EBF4: variants seen among roughly 807,000 people sequenced by gnomAD.
EBF4 encodes EBF transcription factor 4.
EBF4 carries 34 observed loss-of-function variants against 67.1 expected under a neutral mutation model. The ratio of observed to expected loss-of-function variants is 0.51; its 90% CI spans 0.39 to 0.67. The LOEUF (loss-of-function observed/expected upper bound fraction) is 0.67, where lower values mean the gene tolerates loss of function less well. Ranked by LOEUF, EBF4 falls within the 30% of genes least tolerant of loss-of-function variation. EBF4 has a pLI of 0.00. For missense variants in EBF4, 837 were observed against 873.3 expected (o/e 0.96, Z 0.52); for synonymous variants, 387 against 377.7 (o/e 1.02, Z -0.29).
intron 1 of EBF4, among the ~76,000 whole-genome samples, chr20:2,697,419 C>T (rs1381758943): frequency 2.0e-5 from 3 of 151,988 alleles, no homozygotes; most frequent in Non-Finnish European, 4.4e-5. Context: ...GTGGCGGGCG[C>T]CTGTAGTCCC....
intron 6 of EBF4, among the ~76,000 whole-genome samples, chr20:2,732,573 T>C (rs965965349): frequency 2.0e-5 from 3 of 152,258 alleles, no homozygotes; most frequent in African/African-American, 7.2e-5. Flanking sequence ...TCAGTTAGGG[T>C]TCACATGTTA....
intron 1 of EBF4, among the ~76,000 whole-genome samples, chr20:2,698,084 T>A (rs1206309100): frequency 6.6e-6 from 1 of 152,030 alleles, no homozygotes; most frequent in East Asian, 1.9e-4. Context: ...CAGAGAGCAG[T>A]GGAGTGGGGA....
At chr20:2,740,826 T>G (rs1163827531) in intron 6 of EBF4, among the ~76,000 whole-genome samples, 1 of 152,136 alleles carries the variant, frequency 6.6e-6, no homozygotes, top group Non-Finnish European at 1.5e-5. Flanking sequence ...GCCAGAGAGT[T>G]GGTCCTCCTT....
rs1469044587 is a variant in EBF4, at chr20:2,751,307, C to A, written c.1019-393C>A. ...ATAAATGGAGATTGTTAAGTTTTTT[C>A]TTTTTTATAATAAACTCCTGATTTG... is the stretch of plus-strand genomic sequence containing the variant. On this transcript the variant is annotated intron_variant, in intron 10 of 16. Transcript: ENST00000609451. This position sits in a 1 kb window ranked among gnomAD's most constrained non-coding sequence, Gnocchi z 5.2. 6.6e-6 allele frequency among the ~76,000 whole-genome samples: 1 copy of A among 152,136 alleles called. No individual in the cohort carries two copies. The highest frequency in any genetic ancestry group is 2.4e-5 in the African/African-American group (1 of 41,432).
At chr20:2,753,732 CGT>C (rs1466288082) in intron 14 of EBF4, among the ~76,000 whole-genome samples, 2 of 152,228 alleles carry the variant, frequency 1.3e-5, no homozygotes, top group African/African-American at 4.8e-5. Context: ...CCTTGCAGGG[CGT>C]GTGTCCTGCC....
chr20:2,709,925 G>C (rs931309319), intron 6 of EBF4, among the ~76,000 whole-genome samples: 18 of 150,400 alleles, frequency 1.2e-4, no homozygotes, highest in African/African-American at 3.4e-4. Flanking sequence ...GGTGGGAAGG[G>C]AGGGGAGGAA....
At chr20:2,714,414 G>A (rs1365094027) in intron 6 of EBF4, among the ~76,000 whole-genome samples, 2 of 150,860 alleles carry the variant, frequency 1.3e-5, no homozygotes, top group Non-Finnish European at 2.9e-5. Flanking sequence ...GTGCAGTGGC[G>A]CAATCATAGC....
At chr20:2,697,245 G>T (rs1429428829) in intron 1 of EBF4, among the ~76,000 whole-genome samples, 1 of 152,148 alleles carries the variant, frequency 6.6e-6, no homozygotes, top group Non-Finnish European at 1.5e-5. Flanking sequence ...AAAGTTCTGA[G>T]CAAAAGAGGG....
chr20:2,755,745 G>A lies in EBF4; in HGVS notation c.1659G>A (p.Arg553=), dbSNP rs1427451174. ...ACATGATCTCCGCCGTCAAACAGAG[G>A]AGCGCCTTCGCCCCCGTGCTGCGCC... Residue 553 remains arginine (R), a synonymous_variant, in exon 15 of 17, where the codon AGG becomes AGA. Transcript: ENST00000609451. This position sits in a 1 kb window ranked among gnomAD's most constrained non-coding sequence, Gnocchi z 4.7. 1.3e-5 allele frequency: 20 copies of A among 1,550,822 alleles called. No individual in the cohort carries two copies. In the East Asian group the frequency reaches 3.7e-4, roughly 28 times the overall value.
chr20:2,752,242 G>A, exon 13 of EBF4: 3 of 1,309,118 alleles, frequency 2.3e-6, no homozygotes, highest in Non-Finnish European at 1.9e-6. Flanking sequence ...CGTCGGGGAC[G>A]CCACCCCGGG....
intron 1 of EBF4, 40 bp from the exon 2 acceptor site, chr20:2,705,537 G>T: frequency 6.4e-7 from 1 of 1,551,452 alleles, no homozygotes; most frequent in Non-Finnish European, 8.7e-7. Flanking sequence ...TTCTCACTGG[G>T]GGGCCTTCCA....
intron 6 of EBF4, among the ~76,000 whole-genome samples, chr20:2,713,136 G>A (rs2087564857): frequency 6.6e-6 from 1 of 152,170 alleles, no homozygotes; most frequent in South Asian, 2.1e-4. Flanking sequence ...CTCATATGCT[G>A]ACGAGAAACA....
intron 14 of EBF4, among the ~76,000 whole-genome samples, chr20:2,753,658 C>T (rs949727647): frequency 1.3e-5 from 2 of 152,248 alleles, no homozygotes; most frequent in African/African-American, 2.4e-5. Context: ...GTGGTGCCCT[C>T]TCCTCTCCCT....
chr20:2,745,636 G>C lies in EBF4; in HGVS notation c.558-2913G>C, dbSNP rs1229893734. ...ACAGTGGCAAGACCTGCTGAGCAAAGGCTTGGGGAAGGGCCAGTGAGGGAG... is the reference window on the plus strand; with the variant it reads ...ACAGTGGCAAGACCTGCTGAGCAAACGCTTGGGGAAGGGCCAGTGAGGGAG... On this transcript the variant is annotated intron_variant, in intron 6 of 16. Transcript: ENST00000609451. The surrounding 1 kb of genome is among the most constrained non-coding windows in gnomAD (Gnocchi z 5.2). Among the ~76,000 whole-genome samples, 1 of 152,230 alleles carries C rather than the reference G, an allele frequency of 6.6e-6. No individual in the cohort carries two copies. Among genetic ancestry groups the C allele is most frequent in the Non-Finnish European group, 1.5e-5 (1 of 68,040 alleles).
At chr20:2,749,310 C>T (rs547059866) in intron 7 of EBF4, 91 bp from the exon 8 acceptor site, 2 of 973,190 alleles carry the variant, frequency 2.1e-6, no homozygotes, top group Admixed American at 2.7e-5. Context: ...CAGCATCCAA[C>T]CACCAGCCTC....
chr20:2,752,636 C>A, intron 14 of EBF4, 91 bp downstream of exon 14: 1 of 1,102,716 alleles, frequency 9.1e-7, no homozygotes, highest in Non-Finnish European at 1.1e-6. Flanking sequence ...GAGGTTGGGG[C>A]GCCGGCGCCG....
At chr20:2,743,729 TA>T in intron 6 of EBF4, among the ~76,000 whole-genome samples, 1 of 152,354 alleles carries the variant, frequency 6.6e-6, no homozygotes, top group East Asian at 1.9e-4. Context: ...TCTTTAGGGC[TA>T]ATTTCTCCAC....
chr20:2,751,630 G>C lies in EBF4; in HGVS notation c.1019-70G>C, dbSNP rs1205177481. Reference sequence around the variant, plus strand: ...GACTGGGCGCTGGCCTGCTTTTGGCGCCCTGCGTCTCACCCTGGGAGTGGG... The same window carrying C: ...GACTGGGCGCTGGCCTGCTTTTGGCCCCCTGCGTCTCACCCTGGGAGTGGG... On this transcript the variant is annotated intron_variant, in intron 10 of 16. Coordinates refer to ENST00000609451, the Ensembl canonical transcript of EBF4. The surrounding 1 kb of genome is among the most constrained non-coding windows in gnomAD (Gnocchi z 5.2). The C allele has an allele frequency of 3.4e-6, 5 of 1,488,234 alleles. No homozygotes were observed. The highest frequency in any genetic ancestry group is 1.9e-4 in the Middle Eastern group (1 of 5,134). 92.2% of individuals were successfully genotyped at this position (1,488,234 alleles called of 1,614,324 possible). A position where few individuals can be genotyped will look rare whatever the true frequency, so the allele number is the denominator to read the frequency against.
chr20:2,757,808 G>A (rs142906396), intron 15 of EBF4, among the ~76,000 whole-genome samples: 56 of 152,266 alleles, frequency 3.7e-4, no homozygotes, highest in Non-Finnish European at 7.3e-4. Context: ...TGAGCTGGGT[G>A]TGGTGGCGCA....
Sources: allele counts gnomAD v4.1 joint callset (sites outside exome capture counted in the v4.1 genomes callset), GRCh38; gene constraint gnomAD v4.1.1; non-coding constraint Gnocchi (gnomAD v3.1); transcripts MANE v1.5; gene names NCBI Gene and HGNC (gene_info 2026-07-23, HGNC 2026-07-21).